The following GULP1 variants were observed in gnomAD, a reference collection of about 807,000 sequenced individuals.
GULP1 encodes GULP PTB domain containing engulfment adaptor 1.
Under a neutral mutation model 40.9 loss-of-function variants are expected in GULP1, and 19 were observed. The ratio of observed to expected loss-of-function variants is 0.46; its 90% CI spans 0.32 to 0.68. The LOEUF (loss-of-function observed/expected upper bound fraction) is 0.68. Ranked by LOEUF, GULP1 falls within the 30% of genes least tolerant of loss-of-function variation. GULP1 has a pLI of 0.03. For missense variants in GULP1, 312 were observed against 362.2 expected, an observed-to-expected ratio of 0.86 and a Z score of 1.12; for synonymous variants, 119 against 117.6, an observed-to-expected ratio of 1.01 and a Z score of -0.08.
intron 2 of GULP1, among the ~76,000 whole-genome samples, chr2:188,431,267 G>A (rs775828341): frequency 4.6e-5 from 7 of 151,906 alleles, no homozygotes; most frequent in Non-Finnish European, 8.8e-5. Context: ...TTAGCATCAG[G>A]CTATAACAAC....
chr2:188,354,278 G>T (rs574887885), intron 1 of GULP1, among the ~76,000 whole-genome samples: 1 of 152,064 alleles, frequency 6.6e-6, no homozygotes, highest in Non-Finnish European at 1.5e-5. Context: ...GAGCCCTGTT[G>T]GGTCTGGTTC....
intron 1 of GULP1, among the ~76,000 whole-genome samples, chr2:188,311,077 G>A (rs751207226): frequency 1.3e-5 from 2 of 152,202 alleles, no homozygotes; most frequent in East Asian, 3.9e-4. Flanking sequence ...AGAGATTTCA[G>A]AAGCCTGGCA....
intron 2 of GULP1, among the ~76,000 whole-genome samples, chr2:188,461,979 T>C (rs2059742481): frequency 1.3e-5 from 2 of 152,064 alleles, no homozygotes; most frequent in Non-Finnish European, 2.9e-5. Context: ...TGGGTTTTGG[T>C]TTGTTCTTGT....
At chr2:188,372,650 CT>C (rs2047751072) in intron 1 of GULP1, among the ~76,000 whole-genome samples, 1 of 151,990 alleles carries the variant, frequency 6.6e-6, no homozygotes, top group Non-Finnish European at 1.5e-5. Flanking sequence ...TTATTTTGAC[CT>C]AACATCCATG....
chr2:188,467,661 A>G (rs1024216731), intron 2 of GULP1, among the ~76,000 whole-genome samples: 1 of 152,034 alleles, frequency 6.6e-6, no homozygotes, highest in Non-Finnish European at 1.5e-5. Flanking sequence ...TCCTACTAAT[A>G]TTTTCCATGT....
intron 2 of GULP1, among the ~76,000 whole-genome samples, chr2:188,476,501 A>T (rs2061022564): frequency 6.6e-6 from 1 of 151,898 alleles, no homozygotes. Context: ...TTTCTGTTGA[A>T]GCAGGTCTCT....
chr2:188,540,719 C>A (rs1388715980), intron 6 of GULP1, among the ~76,000 whole-genome samples: 3 of 151,996 alleles, frequency 2.0e-5, no homozygotes, highest in Non-Finnish European at 4.4e-5. Flanking sequence ...GAAATCGTAT[C>A]CAGATAAAGC....
chr2:188,373,204 A>C (rs2047844511), intron 1 of GULP1, among the ~76,000 whole-genome samples: 1 of 151,908 alleles, frequency 6.6e-6, no homozygotes, highest in African/African-American at 2.4e-5. Flanking sequence ...CATTCTAGAG[A>C]GGAATCAAGT....
intron 2 of GULP1, among the ~76,000 whole-genome samples, chr2:188,404,957 G>C (rs2052860237): frequency 6.6e-6 from 1 of 152,056 alleles, no homozygotes; most frequent in Admixed American, 6.5e-5. Flanking sequence ...TGCCAGGCTG[G>C]CCCCTGTGGC....
intron 1 of GULP1, among the ~76,000 whole-genome samples, chr2:188,337,882 TGAAAG>T (rs1165015563): frequency 6.6e-6 from 1 of 152,044 alleles, no homozygotes. Flanking sequence ...GCCTTGAACT[TGAAAG>T]GAAGGGACAG....
At chr2:188,308,132 T>A (rs1032238720) in intron 1 of GULP1, among the ~76,000 whole-genome samples, 2 of 49,772 alleles carry the variant, frequency 4.0e-5, no homozygotes, top group East Asian at 1.4e-3. Flanking sequence ...TTTCCCCCGG[T>A]GGCCTGCATT....
At chr2:188,300,174 A>T (rs1270570037) in intron 1 of GULP1, among the ~76,000 whole-genome samples, 1 of 152,108 alleles carries the variant, frequency 6.6e-6, no homozygotes, top group African/African-American at 2.4e-5. Flanking sequence ...TTTATATTTA[A>T]TTTCAGAACA....
At chr2:188,299,678 A>G (rs2106020564) in intron 1 of GULP1, among the ~76,000 whole-genome samples, 1 of 152,336 alleles carries the variant, frequency 6.6e-6, no homozygotes, top group South Asian at 2.1e-4. Context: ...TATTAACTTA[A>G]ATAGAAGTTG....
chr2:188,555,559 T>G (rs1276715402), intron 7 of GULP1, among the ~76,000 whole-genome samples: 1 of 152,220 alleles, frequency 6.6e-6, no homozygotes, highest in African/African-American at 2.4e-5. Flanking sequence ...CTGTAAATGC[T>G]TTTGCTGAGA....
intron 4 of GULP1, among the ~76,000 whole-genome samples, chr2:188,522,160 T>C (rs1381544917): frequency 6.6e-6 from 1 of 152,178 alleles, no homozygotes; most frequent in African/African-American, 2.4e-5. Flanking sequence ...ATAGCTTTAC[T>C]TAGTTGTATA....
intron 2 of GULP1, among the ~76,000 whole-genome samples, chr2:188,453,890 T>C (rs2059036265): frequency 1.3e-5 from 2 of 152,226 alleles, no homozygotes; most frequent in Admixed American, 1.3e-4. Context: ...GTTCTGTAGA[T>C]GCTAATGCTT....
In GULP1 at chr2:188,407,028, AAGGG is replaced by A. The variant is rs763921282; in HGVS notation, c.-45+23142_-45+23145del. Among the ~76,000 whole-genome samples the A allele has an allele frequency of 3.5e-3, 535 of 152,282 alleles. 3 individuals are homozygous for A. The highest frequency in any genetic ancestry group is 6.8e-3 in the Middle Eastern group (2 of 294). On this transcript the variant is annotated intron_variant, in intron 2 of 11. Transcript: ENST00000409830. ...AAGAGAGAAGAAACATATCACACAT[AAGGG>A]AGTTTCAAAGAGGCCAGCAGCAAAC...
chr2:188,457,598 G>GCT, intron 2 of GULP1, among the ~76,000 whole-genome samples: 1 of 152,090 alleles, frequency 6.6e-6, no homozygotes, highest in African/African-American at 2.4e-5. Context: ...AGCATGAAAT[G>GCT]GACTAATACA....
chr2:188,405,361 C>T lies in GULP1; in HGVS notation c.-45+21472C>T, dbSNP rs779773136. Among the ~76,000 whole-genome samples, 25 of 152,116 alleles carry T rather than the reference C, an allele frequency of 1.6e-4. 1 individual carries two copies. The highest frequency in any genetic ancestry group is 3.2e-4 in the Non-Finnish European group (22 of 68,030). On this transcript the variant is annotated intron_variant, in intron 2 of 11. Transcript: ENST00000409830. ...GTCAGCTATAGGCTCTAGGCTAGTTCCCATGGCATCAGGCTTTAATAGATT... is the reference window on the plus strand; with the variant it reads ...GTCAGCTATAGGCTCTAGGCTAGTTTCCATGGCATCAGGCTTTAATAGATT...
Sources: allele counts gnomAD v4.1 joint callset (sites outside exome capture counted in the v4.1 genomes callset), GRCh38; gene constraint gnomAD v4.1.1; transcripts MANE v1.5; gene names NCBI Gene and HGNC (gene_info 2026-07-23, HGNC 2026-07-21).